SEMA6A: variants seen among roughly 807,000 people sequenced by gnomAD.
The protein encoded by SEMA6A is semaphorin 6A, also known as semaphorin-6A.
A neutral mutation model predicts 96.8 loss-of-function variants in SEMA6A; 25 were observed. The observed-to-expected ratio is 0.26, with a 90% confidence interval of 0.19 to 0.36. SEMA6A has a LOEUF of 0.36. SEMA6A is among the 10% of genes least tolerant of loss of function. SEMA6A has a pLI of 1.00. For missense variants in SEMA6A, 1,363 were observed against 1,323.1 expected, an observed-to-expected ratio of 1.03 and a Z score of -0.47; for synonymous variants, 612 against 518.0, an observed-to-expected ratio of 1.18 and a Z score of -2.46.
At chr5:116,521,659 C>T (rs1410523017) in intron 1 of SEMA6A, among the ~76,000 whole-genome samples, 1 of 151,556 alleles carries the variant, frequency 6.6e-6, no homozygotes, top group Non-Finnish European at 1.5e-5. Context: ...TGAGCCAATC[C>T]ATCTGGGGAA....
In SEMA6A at chr5:116,547,734, TAA is replaced by T. The variant is rs34908253; in HGVS notation, c.-39+26449_-39+26450del. 9.4e-3 allele frequency among the ~76,000 whole-genome samples: 614 copies of T among 65,526 alleles called. 3 individuals are homozygous for T. Among genetic ancestry groups the T allele is most frequent in the African/African-American group, 0.028 (480 of 17,402 alleles). 43.0% of individuals were successfully genotyped at this position (65,526 alleles called of 152,430 possible). ...TGTAAACTGCTATGTATCTGATACTTAAAAAAAAAAAAAAAAAAAAAAAAAGC... is the reference window on the plus strand; with the variant it reads ...TGTAAACTGCTATGTATCTGATACTTAAAAAAAAAAAAAAAAAAAAAAAGC... On this transcript the variant is annotated intron_variant, in intron 1 of 18. Transcript: ENST00000343348.
chr5:116,499,124 C>T (rs971258426), intron 3 of SEMA6A: 10 of 152,174 alleles, frequency 6.6e-5, no homozygotes, highest in African/African-American at 2.4e-4. Flanking sequence ...AACTGGGAAG[C>T]CTTTTAAACA....
intron 18 of SEMA6A, chr5:116,449,384 A>G (rs1754486433): frequency 2.8e-6 from 2 of 702,170 alleles, no homozygotes; most frequent in Admixed American, 4.0e-5. Flanking sequence ...TGTTTCATGT[A>G]TTTTACTGGC....
At chr5:116,539,352 C>G (rs1759862412) in intron 1 of SEMA6A, among the ~76,000 whole-genome samples, 1 of 152,160 alleles carries the variant, frequency 6.6e-6, no homozygotes, top group Non-Finnish European at 1.5e-5. Context: ...GATCTATAGA[C>G]TATTGAGTAG....
intron 1 of SEMA6A, among the ~76,000 whole-genome samples, chr5:116,545,391 C>T (rs1024398434): frequency 6.6e-6 from 1 of 151,988 alleles, no homozygotes; most frequent in African/African-American, 2.4e-5. Flanking sequence ...CCAACATGGT[C>T]AAATCCCGTC....
intron 1 of SEMA6A, among the ~76,000 whole-genome samples, chr5:116,536,801 G>A (rs1759733254): frequency 7.1e-6 from 1 of 141,722 alleles, no homozygotes; most frequent in African/African-American, 2.6e-5. Context: ...TCAAGGAACA[G>A]CTGCACAATG....
At chr5:116,559,054 A>AT (rs971618678) in intron 1 of SEMA6A, among the ~76,000 whole-genome samples, 8 of 152,128 alleles carry the variant, frequency 5.3e-5, no homozygotes, top group Non-Finnish European at 1.2e-4. Context: ...CCTCCTGCCC[A>AT]TTTTTAACAG....
Position 116,475,537 on chromosome 5 carries a change from G to T in SEMA6A, c.1708+8C>A, listed in dbSNP as rs773223808. ...CAAAGATAAAAATGGATAAAAGACT[G>T]TACTTACTGTGACAGTCCCCCAGAC... On this transcript the variant is annotated splice_region_variant and intron_variant, in intron 16 of 18. Coordinates refer to ENST00000343348, the MANE Select transcript of SEMA6A (RefSeq NM_020796.5). 23 of 1,587,472 alleles carry T rather than the reference G, an allele frequency of 1.4e-5. No homozygotes were observed. Among genetic ancestry groups the T allele is most frequent in the Non-Finnish European group, 1.9e-5 (22 of 1,164,336 alleles).
At position 116,448,778 on chromosome 5, in the gene SEMA6A, A is replaced by AC. The variant is rs1355198127; in HGVS notation, c.1895-968_1895-967insG. Among the ~76,000 whole-genome samples, 69 of 146,140 alleles carry AC rather than the reference A, an allele frequency of 4.7e-4. 1 individual carries two copies. The highest frequency in any genetic ancestry group is 6.9e-4 in the Non-Finnish European group (46 of 66,500). ...CTCAAAAAAAAAAAAAAAAAAAAAC[A>AC]GTGCAAACTCAATTTCAGGTAACTA... On this transcript the variant is annotated intron_variant, in intron 18 of 18. Coordinates refer to ENST00000343348, the MANE Select transcript of SEMA6A (RefSeq NM_020796.5).
chr5:116,485,003 C>T (rs1756982674), intron 10 of SEMA6A, among the ~76,000 whole-genome samples: 1 of 152,094 alleles, frequency 6.6e-6, no homozygotes, highest in Admixed American at 6.5e-5. Flanking sequence ...AACAATTTGA[C>T]ATGACCAAGT....
At chr5:116,499,674 A>C (rs796402876) in intron 3 of SEMA6A, among the ~76,000 whole-genome samples, 11 of 152,352 alleles carry the variant, frequency 7.2e-5, no homozygotes, top group African/African-American at 2.6e-4. Context: ...CAAACATGTC[A>C]ATGCTACAGT....
chr5:116,547,155 C>T (rs1482369614), intron 1 of SEMA6A, among the ~76,000 whole-genome samples: 1 of 152,134 alleles, frequency 6.6e-6, no homozygotes, highest in Non-Finnish European at 1.5e-5. Context: ...CTATTAGCCT[C>T]AACAAAATTT....
At chr5:116,487,021 C>CTT in intron 9 of SEMA6A, 55 bp from the exon 10 acceptor site, 3 of 1,298,000 alleles carry the variant, frequency 2.3e-6, no homozygotes, top group Non-Finnish European at 3.3e-6. Flanking sequence ...GCAAGGAGAT[C>CTT]TTAGTAGAAT....
intron 1 of SEMA6A, among the ~76,000 whole-genome samples, chr5:116,565,816 G>C (rs530431849): frequency 6.6e-6 from 1 of 152,228 alleles, no homozygotes; most frequent in South Asian, 2.1e-4. Flanking sequence ...TTTGTGGAAT[G>C]CAATTTTTTG....
chr5:116,459,562 A>G (rs970751956), intron 18 of SEMA6A, among the ~76,000 whole-genome samples: 27 of 152,172 alleles, frequency 1.8e-4, no homozygotes, highest in African/African-American at 6.5e-4. Flanking sequence ...CCTCTTTATT[A>G]TTACACTCTG....
intron 1 of SEMA6A, among the ~76,000 whole-genome samples, chr5:116,519,677 ACACACACACACACACG>A (rs1167198268): frequency 6.7e-6 from 1 of 149,098 alleles, no homozygotes; most frequent in African/African-American, 2.6e-5. Context: ...ACACACACAC[ACACACACACACACACG>A]CACACACATA....
Position 116,478,092 on chromosome 5 carries a change from C to T in SEMA6A, c.1490G>A (p.Ser497Asn). 2 of 1,613,954 alleles carry T rather than the reference C, an allele frequency of 1.2e-6. No individual in the cohort carries two copies. The highest frequency in any genetic ancestry group is 1.7e-6 in the Non-Finnish European group (2 of 1,179,844). The change falls in exon 14 of 19, where the codon AGC becomes AAC. Residue 497 changes from serine to asparagine, a missense_variant. By Grantham distance (46) the Ser-to-Asn change is conservative (BLOSUM62 1). Transcript: ENST00000343348. Reference sequence around the variant, plus strand: ...GGTAGAGAACGCAACATACAGAGAGCTGCTTGCTCTGTCCAGCTGCATGCC... The same window carrying T: ...GGTAGAGAACGCAACATACAGAGAGTTGCTTGCTCTGTCCAGCTGCATGCC... ...IMGMQLDRAS[S>N]SLYVAFSTCV...
At chr5:116,455,227 C>G (rs950415074) in intron 18 of SEMA6A, among the ~76,000 whole-genome samples, 14 of 152,084 alleles carry the variant, frequency 9.2e-5, no homozygotes, top group Non-Finnish European at 2.9e-5. Context: ...AATGGCATTG[C>G]CAATGGGAGT....
chr5:116,507,416 T>C (rs1259071146), intron 1 of SEMA6A, among the ~76,000 whole-genome samples: 2 of 152,172 alleles, frequency 1.3e-5, no homozygotes, highest in African/African-American at 4.8e-5. Flanking sequence ...TTCCATAACA[T>C]TGTCATTTCT....
Sources: gnomAD v4.1 joint callset for allele counts (sites outside exome capture counted in the v4.1 genomes callset) on GRCh38, gnomAD v4.1.1 for gene constraint, MANE v1.5 for transcripts, NCBI Gene and HGNC (gene_info 2026-07-23, HGNC 2026-07-21) for gene names.